Variants in MRTFB observed in about 807,000 individuals in gnomAD.
The protein encoded by MRTFB is myocardin-related transcription factor B.
Under a neutral mutation model 104.2 loss-of-function variants are expected in MRTFB, and 29 were observed. The ratio of observed to expected loss-of-function variants is 0.28; its 90% CI spans 0.21 to 0.38. The LOEUF is 0.38. Among genes scored for constraint, MRTFB ranks in the 10% least tolerant of loss-of-function variants. MRTFB has a pLI of 1.00. For synonymous variants in MRTFB, 535 were observed against 519.5 expected, an observed-to-expected ratio of 1.03 and a Z score of -0.41; for missense variants, 1,270 against 1,341.6, an observed-to-expected ratio of 0.95 and a Z score of 0.83.
the MRTFB span, among the ~76,000 whole-genome samples, chr16:13,996,362 T>A: frequency 2.0e-5 from 3 of 151,902 alleles, no homozygotes; most frequent in Admixed American, 1.3e-4. Flanking sequence ...TTCATTTCTG[T>A]CAATATCTGT....
At chr16:14,156,806 G>C (rs965359624) in intron 3 of MRTFB, among the ~76,000 whole-genome samples, 1 of 152,114 alleles carries the variant, frequency 6.6e-6, no homozygotes. Context: ...CTTTAAAAGA[G>C]ACAACTAAAG....
the MRTFB span, among the ~76,000 whole-genome samples, chr16:14,039,653 A>G: frequency 8.6e-5 from 13 of 151,900 alleles, no homozygotes; most frequent in Non-Finnish European, 1.6e-4. Flanking sequence ...TACAAATATA[A>G]TTTCATATAG....
intron 15 of MRTFB, among the ~76,000 whole-genome samples, chr16:14,257,693 ATACTT>A (rs374859859): frequency 1.2e-3 from 183 of 152,362 alleles, no homozygotes; most frequent in African/African-American, 3.8e-3. Context: ...ATCAAATTGT[ATACTT>A]TACATAAGTG....
Position 14,240,274 on chromosome 16 carries a change from G to A in MRTFB, c.869G>A (p.Ser290Asn). 6.2e-7 allele frequency: 1 copy of A among 1,611,564 alleles called. No individual in the cohort carries two copies. Among genetic ancestry groups the A allele is most frequent in the Non-Finnish European group, 8.5e-7 (1 of 1,179,148 alleles). Residue 290 changes from serine to asparagine, a missense_variant, in exon 10 of 17, where the codon AGC (serine) becomes AAC (asparagine). Physicochemically the swap from Ser to Asn is conservative, Grantham distance 46. Transcript: ENST00000571589. ...HPKNPNDKHR[S>N]KKCKDPKPRV... Reference sequence around the variant, plus strand: ...AAGAATCCAAATGACAAACACCGTAGCAAAAAGTGCAAAGATCCCAAACCA... The same window carrying A: ...AAGAATCCAAATGACAAACACCGTAACAAAAAGTGCAAAGATCCCAAACCA...
chr16:14,155,655 G>A (rs2038799568), intron 3 of MRTFB, among the ~76,000 whole-genome samples: 2 of 152,192 alleles, frequency 1.3e-5, no homozygotes, highest in Admixed American at 1.3e-4. Flanking sequence ...ATCTAGGGTA[G>A]CATTCGTGCC....
intron 7 of MRTFB, 119 bp from the exon 8 acceptor site, chr16:14,218,701 C>G: frequency 9.9e-7 from 1 of 1,007,204 alleles, no homozygotes; most frequent in Non-Finnish European, 1.4e-6. Flanking sequence ...ACATTGTGTT[C>G]AATTTTTTTT....
chr16:14,187,098 G>A (rs989870863), intron 3 of MRTFB: 15 of 1,340,580 alleles, frequency 1.1e-5, no homozygotes, highest in Admixed American at 4.1e-5. Context: ...CCAGCTGAGC[G>A]TGTCTGTCTG....
chr16:14,209,146 G>C (rs226780), intron 3 of MRTFB, among the ~76,000 whole-genome samples: 1 of 152,178 alleles, frequency 6.6e-6, no homozygotes, highest in African/African-American at 2.4e-5. Flanking sequence ...TGGAGGCCAC[G>C]TGCCTGCGTC....
intron 3 of MRTFB, among the ~76,000 whole-genome samples, chr16:14,182,337 T>C (rs1214196748): frequency 6.6e-6 from 1 of 151,650 alleles, no homozygotes; most frequent in African/African-American, 2.4e-5. Flanking sequence ...TGTCCATGAG[T>C]GGAGTGGCAG....
the MRTFB span, among the ~76,000 whole-genome samples, chr16:14,056,530 A>G: frequency 6.6e-6 from 1 of 152,290 alleles, no homozygotes; most frequent in African/African-American, 2.4e-5. Context: ...TTCTGGCATC[A>G]CAAGGTATTC....
At chr16:14,113,903 T>C (rs989511590) in intron 2 of MRTFB, among the ~76,000 whole-genome samples, 7 of 152,166 alleles carry the variant, frequency 4.6e-5, no homozygotes, top group Non-Finnish European at 7.3e-5. Context: ...GTTTCATAGG[T>C]CTCTTGAATT....
intron 2 of MRTFB, among the ~76,000 whole-genome samples, chr16:14,127,711 G>A (rs935428079): frequency 2.0e-5 from 3 of 149,568 alleles, no homozygotes; most frequent in Non-Finnish European, 4.4e-5. Context: ...CCATTGCACC[G>A]TCCCACTACT....
chr16:14,088,142 G>A (rs1046822542), intron 2 of MRTFB, among the ~76,000 whole-genome samples: 7 of 152,154 alleles, frequency 4.6e-5, no homozygotes, highest in South Asian at 2.1e-4. Context: ...AAGGATGGCC[G>A]GTGACTGTTA....
At chr16:14,091,258 G>A (rs916650299) in intron 2 of MRTFB, among the ~76,000 whole-genome samples, 2 of 152,128 alleles carry the variant, frequency 1.3e-5, no homozygotes, top group Admixed American at 1.3e-4. Context: ...GTACTAGTCA[G>A]GACTCTTGGC....
At chr16:14,205,376 C>T (rs1794352122) in intron 3 of MRTFB, among the ~76,000 whole-genome samples, 1 of 152,144 alleles carries the variant, frequency 6.6e-6, no homozygotes, top group South Asian at 2.1e-4. Flanking sequence ...GGTGCTTTGC[C>T]TGCCTCTTGT....
intron 3 of MRTFB, among the ~76,000 whole-genome samples, chr16:14,160,973 C>A (rs1193164192): frequency 6.6e-6 from 1 of 151,264 alleles, no homozygotes; most frequent in Non-Finnish European, 1.5e-5. Flanking sequence ...ATTTCTGGTT[C>A]CTTTTAGTGA....
At chr16:14,225,681 C>G (rs1161916482) in intron 8 of MRTFB, among the ~76,000 whole-genome samples, 1 of 151,628 alleles carries the variant, frequency 6.6e-6, no homozygotes, top group African/African-American at 2.4e-5. Flanking sequence ...TTCATTCATT[C>G]ATTCATTCAT....
At chr16:14,004,375 C>G in the MRTFB span, among the ~76,000 whole-genome samples, 13 of 152,226 alleles carry the variant, frequency 8.5e-5, no homozygotes, top group East Asian at 2.5e-3. Context: ...CCCAGAGGTC[C>G]ACGGGTGAAG....
intron 9 of MRTFB, among the ~76,000 whole-genome samples, chr16:14,239,805 A>AT (rs2042682448): frequency 6.6e-6 from 1 of 152,088 alleles, no homozygotes; most frequent in Non-Finnish European, 1.5e-5. Context: ...CATTGGAAGC[A>AT]TTTTTTCATT....
Sources: allele counts gnomAD v4.1 joint callset (sites outside exome capture counted in the v4.1 genomes callset), GRCh38; gene constraint gnomAD v4.1.1; transcripts MANE v1.5; gene names NCBI Gene and HGNC (gene_info 2026-07-23, HGNC 2026-07-21).